TMC1: variants seen among roughly 807,000 people sequenced by gnomAD.
TMC1 encodes the protein transmembrane channel like 1.
TMC1 carries 84 observed loss-of-function variants against 105.8 expected under a neutral mutation model. That is an observed-to-expected ratio of 0.79 (90% CI 0.67 to 0.95). The LOEUF (loss-of-function observed/expected upper bound fraction) is 0.95. Among genes scored for constraint, TMC1 ranks in the 40% least tolerant of loss-of-function variants. The pLI is 0.00. For missense variants in TMC1, 817 were observed against 914.1 expected (o/e 0.89, Z 1.37); for synonymous variants, 315 against 311.5 (o/e 1.01, Z -0.12).
chr9:72,548,447 G>A (rs536340251), intron 1 of TMC1, among the ~76,000 whole-genome samples: 7 of 151,850 alleles, frequency 4.6e-5, no homozygotes, highest in African/African-American at 1.7e-4. Flanking sequence ...TCAGGCGCAC[G>A]CCTGTAATCC....
At chr9:72,664,143 C>T (rs966094365) in intron 5 of TMC1, among the ~76,000 whole-genome samples, 5 of 152,104 alleles carry the variant, frequency 3.3e-5, no homozygotes, top group Non-Finnish European at 7.4e-5. Context: ...TCTAAAATAA[C>T]GATTAAGAGT....
intron 7 of TMC1, among the ~76,000 whole-genome samples, chr9:72,697,109 C>T (rs1427826624): frequency 6.6e-6 from 1 of 152,090 alleles, no homozygotes. Flanking sequence ...AATCTGGGGT[C>T]ATTTAGTACA....
chr9:72,821,808 A>AAG lies in TMC1; in HGVS notation c.2003+741_2003+742dup, dbSNP rs565459938. Among the ~76,000 whole-genome samples, 178 of 151,482 alleles carry AAG rather than the reference A, an allele frequency of 1.2e-3. 1 individual carries two copies. The highest frequency in any genetic ancestry group is 4.0e-3 in the African/African-American group (164 of 41,420). On this transcript the variant is annotated intron_variant, in intron 20 of 23. Coordinates refer to ENST00000297784, the MANE Select transcript of TMC1 (RefSeq NM_138691.3). ...TTCTCTTGTGCATTACTACCTTAAA[A>AAG]AGAGAGAGAGAGAGACAGACAGAGA...
chr9:72,754,111 G>A (rs1222339684), intron 11 of TMC1, among the ~76,000 whole-genome samples: 1 of 152,070 alleles, frequency 6.6e-6, no homozygotes, highest in African/African-American at 2.4e-5. Flanking sequence ...GTAAGCTATG[G>A]GGGCTAGAAA....
chr9:72,614,343 A>G (rs1003469105), intron 2 of TMC1, among the ~76,000 whole-genome samples: 1 of 152,210 alleles, frequency 6.6e-6, no homozygotes, highest in African/African-American at 2.4e-5. Context: ...TTAAGTTTAA[A>G]GGTCCATAAA....
At position 72,524,461 on chromosome 9, in the gene TMC1, T is replaced by A. The variant is rs187368477; in HGVS notation, c.-428+2548T>A. On this transcript the variant is annotated intron_variant, in intron 1 of 23. Transcript: ENST00000297784. Reference sequence around the variant, plus strand: ...ATGTTCACTTTTATTACTAGTAATATTAACCACATTTTAATAGAGACTAAT... The same window carrying A: ...ATGTTCACTTTTATTACTAGTAATAATAACCACATTTTAATAGAGACTAAT... Among the ~76,000 whole-genome samples, 324 of 152,274 alleles carry A rather than the reference T, an allele frequency of 2.1e-3. 1 individual carries two copies. The highest frequency in any genetic ancestry group is 7.3e-3 in the African/African-American group (302 of 41,548).
chr9:72,676,960 CTCTG>C (rs893493260), intron 5 of TMC1, among the ~76,000 whole-genome samples: 36 of 152,130 alleles, frequency 2.4e-4, no homozygotes, highest in African/African-American at 8.4e-4. Context: ...TGATCTCTCT[CTCTG>C]TCTTTCCCTT....
chr9:72,538,359 CA>C (rs1239022510), intron 1 of TMC1, among the ~76,000 whole-genome samples: 1 of 151,588 alleles, frequency 6.6e-6, no homozygotes, highest in Non-Finnish European at 1.5e-5. Flanking sequence ...AGGGCCTTTT[CA>C]AAATGTCAAA....
Position 72,725,343 on chromosome 9 carries a change from ATATATATATATATATATATATATATG to A in TMC1, c.363-14769_363-14744del, listed in dbSNP as rs1214995151. Among the ~76,000 whole-genome samples, 32 of 94,482 alleles carry A rather than the reference ATATATATATATATATATATATATATG, an allele frequency of 3.4e-4. 1 individual carries two copies. The highest frequency in any genetic ancestry group is 8.5e-4 in the African/African-American group (19 of 22,474). 62.0% of individuals were successfully genotyped at this position (94,482 alleles called of 152,430 possible). A position where few individuals can be genotyped will look rare whatever the true frequency, so the allele number is the denominator to read the frequency against. On this transcript the variant is annotated intron_variant, in intron 8 of 23. Coordinates refer to ENST00000297784, the MANE Select transcript of TMC1 (RefSeq NM_138691.3). ...TGTGTATGTATATATATATATATAT[ATATATATATATATATATATATATATG>A]TATATACACACACACATGCGTACAT... is the stretch of plus-strand genomic sequence containing the variant.
intron 5 of TMC1, among the ~76,000 whole-genome samples, chr9:72,684,534 C>T (rs1181709160): frequency 6.6e-6 from 1 of 151,936 alleles, no homozygotes; most frequent in Non-Finnish European, 1.5e-5. Flanking sequence ...TTTTGTTTAC[C>T]CTCATTTTCT....
At chr9:72,537,019 T>A (rs1020474218) in intron 1 of TMC1, among the ~76,000 whole-genome samples, 1 of 152,216 alleles carries the variant, frequency 6.6e-6, no homozygotes, top group Non-Finnish European at 1.5e-5. Flanking sequence ...TCTTGCATTA[T>A]GGGCACCTGC....
intron 11 of TMC1, 97 bp from the exon 12 acceptor site, chr9:72,754,689 G>C: frequency 1.1e-6 from 1 of 927,238 alleles, no homozygotes; most frequent in Non-Finnish European, 1.7e-6. Context: ...CCATAAAAAT[G>C]TTTCAGAAGG....
At chr9:72,580,456 T>C (rs944447635) in intron 2 of TMC1, among the ~76,000 whole-genome samples, 6 of 152,332 alleles carry the variant, frequency 3.9e-5, no homozygotes, top group Non-Finnish European at 8.8e-5. Context: ...GCTTTGGGTT[T>C]TGCACTGTCT....
chr9:72,656,431 T>G (rs1825886259), intron 5 of TMC1, among the ~76,000 whole-genome samples: 1 of 152,224 alleles, frequency 6.6e-6, no homozygotes, highest in Non-Finnish European at 1.5e-5. Flanking sequence ...ATCCAGTATG[T>G]TTCTCATTTC....
intron 1 of TMC1, among the ~76,000 whole-genome samples, chr9:72,550,490 C>G (rs1352710299): frequency 6.6e-6 from 1 of 151,094 alleles, no homozygotes; most frequent in African/African-American, 2.4e-5. Flanking sequence ...AACCCCGTTT[C>G]TACTAAAAAT....
At chr9:72,549,556 C>T (rs1587950995) in intron 1 of TMC1, among the ~76,000 whole-genome samples, 1 of 151,806 alleles carries the variant, frequency 6.6e-6, no homozygotes, top group Non-Finnish European at 1.5e-5. Flanking sequence ...AATTCTCTTA[C>T]TTCAGCCTCC....
At chr9:72,628,243 T>C in intron 4 of TMC1, 180 bp downstream of exon 4, 1 of 313,572 alleles carries the variant, frequency 3.2e-6, no homozygotes, top group South Asian at 2.6e-5. Flanking sequence ...AACTGTAGCA[T>C]GTGGGACTTA....
chr9:72,801,829 T>C (rs113263213), intron 17 of TMC1, among the ~76,000 whole-genome samples: 2 of 152,332 alleles, frequency 1.3e-5, no homozygotes, highest in African/African-American at 4.8e-5. Flanking sequence ...AAATATATTT[T>C]TCCTATGGTA....
chr9:72,679,940 T>C (rs755008062), intron 5 of TMC1, among the ~76,000 whole-genome samples: 9 of 152,228 alleles, frequency 5.9e-5, no homozygotes, highest in East Asian at 1.9e-4. Context: ...TTCCTGGGTG[T>C]ACAGTGCCTA....
Sources: gnomAD v4.1 joint callset for allele counts (sites outside exome capture counted in the v4.1 genomes callset) on GRCh38, gnomAD v4.1.1 for gene constraint, MANE v1.5 for transcripts, NCBI Gene and HGNC (gene_info 2026-07-23, HGNC 2026-07-21) for gene names.